Variants in STX8 observed in about 807,000 individuals in gnomAD.
The protein encoded by STX8 is syntaxin 8, also known as syntaxin-8.
Under a neutral mutation model 37.5 loss-of-function variants are expected in STX8, and 23 were observed. The ratio of observed to expected loss-of-function variants is 0.61; its 90% CI spans 0.44 to 0.87. The LOEUF (loss-of-function observed/expected upper bound fraction) is 0.87, where lower values mean the gene tolerates loss of function less well. Among genes scored for constraint, STX8 ranks in the 40% least tolerant of loss-of-function variants. The probability of loss-of-function intolerance (pLI) is 0.00; values close to 1 mark genes in which losing one functional copy is unlikely to be tolerated. For missense variants in STX8, 313 were observed against 284.7 expected (o/e 1.10, Z -0.71); for synonymous variants, 115 against 99.1 (o/e 1.16, Z -0.95).
chr17:9,559,206 TA>T (rs1022825148), intron 2 of STX8, among the ~76,000 whole-genome samples: 1 of 152,144 alleles, frequency 6.6e-6, no homozygotes, highest in African/African-American at 2.4e-5. Flanking sequence ...AGACACTTTC[TA>T]GAGCACAAAA....
In STX8 at chr17:9,416,468, C is replaced by G. The variant is rs147787249; in HGVS notation, c.542-37815G>C. Among the ~76,000 whole-genome samples the G allele has an allele frequency of 7.5e-3, 1,143 of 152,206 alleles. 16 individuals are homozygous for G. The highest frequency in any genetic ancestry group is 0.045 in the South Asian group (218 of 4,826). On this transcript the variant is annotated intron_variant, in intron 6 of 7. Transcript: ENST00000306357. ...CACTGAAACGTCCACCTCCCAGGTT[C>G]AAGCAATTCTCTGCCTCGGCCTCCC...
chr17:9,528,442 C>T (rs531050654), intron 4 of STX8, among the ~76,000 whole-genome samples: 3 of 152,112 alleles, frequency 2.0e-5, no homozygotes, highest in East Asian at 1.9e-4. Flanking sequence ...GGATTACAGG[C>T]GCGTGCCACC....
intron 5 of STX8, among the ~76,000 whole-genome samples, chr17:9,499,954 C>T (rs1904552480): frequency 1.3e-5 from 2 of 152,206 alleles, no homozygotes; most frequent in African/African-American, 2.4e-5. Flanking sequence ...CTGAAAACAG[C>T]TTTTCTTGGC....
chr17:9,365,052 A>G (rs1416620339), intron 7 of STX8, among the ~76,000 whole-genome samples: 2 of 152,204 alleles, frequency 1.3e-5, no homozygotes, highest in Admixed American at 6.5e-5. Flanking sequence ...AGTAATGAAG[A>G]GAAAAGAGAG....
intron 1 of STX8, 120 bp from the exon 2 acceptor site, chr17:9,568,590 T>A (rs1176915994): frequency 4.1e-6 from 3 of 735,414 alleles, no homozygotes; most frequent in Non-Finnish European, 6.4e-6. Flanking sequence ...AAGCTCTGCC[T>A]CCTGGGTTCG....
chr17:9,426,472 A>G (rs1913635194), intron 6 of STX8, among the ~76,000 whole-genome samples: 1 of 152,222 alleles, frequency 6.6e-6, no homozygotes, highest in Non-Finnish European at 1.5e-5. Flanking sequence ...GGTTGCAGTG[A>G]GCCAAGATCG....
intron 6 of STX8, among the ~76,000 whole-genome samples, chr17:9,432,493 A>T (rs920555459): frequency 7.5e-6 from 1 of 133,052 alleles, no homozygotes; most frequent in African/African-American, 3.3e-5. Context: ...CTTCCATCTA[A>T]ATCGGAAGAA....
chr17:9,477,625 A>G (rs1390205636), intron 6 of STX8, among the ~76,000 whole-genome samples: 2 of 152,264 alleles, frequency 1.3e-5, no homozygotes, highest in Non-Finnish European at 2.9e-5. Flanking sequence ...TCAGTAAAAC[A>G]TGTTGGTAAA....
At chr17:9,427,636 C>G (rs1913686538) in intron 6 of STX8, among the ~76,000 whole-genome samples, 1 of 152,022 alleles carries the variant, frequency 6.6e-6, no homozygotes, top group African/African-American at 2.4e-5. Context: ...GCTGCGGCTG[C>G]CTCGAGGGAT....
intron 7 of STX8, among the ~76,000 whole-genome samples, chr17:9,313,620 T>A (rs115386379): frequency 0.011 from 1,650 of 152,274 alleles, 38 homozygotes; most frequent in African/African-American, 0.037. Flanking sequence ...CCTGTAAGGG[T>A]CACTTCTATC....
intron 7 of STX8, among the ~76,000 whole-genome samples, chr17:9,304,524 A>AAG (rs1908899086): frequency 6.9e-6 from 1 of 144,212 alleles, no homozygotes; most frequent in African/African-American, 2.6e-5. Flanking sequence ...AAAAAAAAAA[A>AAG]AAAAAGAAAA....
At chr17:9,574,952 CA>C (rs2151921118) in intron 1 of STX8, among the ~76,000 whole-genome samples, 1 of 152,300 alleles carries the variant, frequency 6.6e-6, no homozygotes, top group Non-Finnish European at 1.5e-5. Flanking sequence ...AGGATGTGGG[CA>C]ACTTAAACAA....
At chr17:9,490,500 T>C (rs562182439) in intron 6 of STX8, among the ~76,000 whole-genome samples, 2 of 151,998 alleles carry the variant, frequency 1.3e-5, no homozygotes, top group African/African-American at 2.4e-5. Flanking sequence ...GCCTCCCGAG[T>C]AGCTGTGACT....
chr17:9,371,674 G>C (rs1911406284), intron 7 of STX8, among the ~76,000 whole-genome samples: 1 of 149,950 alleles, frequency 6.7e-6, no homozygotes. Flanking sequence ...TCCTCTGGTT[G>C]ATTCTTTCTT....
At chr17:9,439,118 C>T (rs758345080) in intron 6 of STX8, among the ~76,000 whole-genome samples, 33 of 151,970 alleles carry the variant, frequency 2.2e-4, no homozygotes, top group Non-Finnish European at 4.0e-4. Context: ...TGGCTCATGA[C>T]CTGTACAAAA....
At chr17:9,298,016 A>G (rs948321318) in intron 7 of STX8, among the ~76,000 whole-genome samples, 1 of 152,208 alleles carries the variant, frequency 6.6e-6, no homozygotes, top group African/African-American at 2.4e-5. Flanking sequence ...GATGGGTAAA[A>G]AGAAGTCCTT....
chr17:9,416,615 C>A (rs1305103786), intron 6 of STX8, among the ~76,000 whole-genome samples: 2 of 152,160 alleles, frequency 1.3e-5, no homozygotes, highest in Non-Finnish European at 2.9e-5. Flanking sequence ...GATCTGCCCA[C>A]CTTGGCCTCC....
At chr17:9,452,368 T>A (rs1178956352) in intron 6 of STX8, 43 of 107,044 alleles carry the variant, frequency 4.0e-4, no homozygotes, top group African/African-American at 1.6e-3. Context: ...TTACCAAAAA[T>A]AGAAAAAAAA....
chr17:9,350,495 C>T (rs536510577), intron 7 of STX8, among the ~76,000 whole-genome samples: 21 of 151,996 alleles, frequency 1.4e-4, no homozygotes, highest in African/African-American at 4.3e-4. Context: ...TTGCCTAATG[C>T]GACATCTTGC....
Sources: allele counts gnomAD v4.1 joint callset (sites outside exome capture counted in the v4.1 genomes callset), GRCh38; gene constraint gnomAD v4.1.1; transcripts MANE v1.5; gene names NCBI Gene and HGNC (gene_info 2026-07-23, HGNC 2026-07-21).